ARMC9: variants seen among roughly 807,000 people sequenced by gnomAD.
ARMC9 encodes lisH domain-containing protein ARMC9.
ARMC9 carries 94 observed loss-of-function variants against 107.0 expected under a neutral mutation model. That is an observed-to-expected ratio of 0.88 (90% CI 0.74 to 1.04). The LOEUF (loss-of-function observed/expected upper bound fraction) is 1.04. Among genes scored for constraint, ARMC9 ranks in the 50% least tolerant of loss-of-function variants. The probability of loss-of-function intolerance (pLI) is 0.00; values close to 1 mark genes in which losing one functional copy is unlikely to be tolerated. For synonymous variants in ARMC9, 380 were observed against 396.9 expected (o/e 0.96, Z 0.51); for missense variants, 942 against 1,030.1 (o/e 0.91, Z 1.17).
Position 231,235,314 on chromosome 2 carries a change from A to G in ARMC9, c.713A>G (p.Tyr238Cys), listed in dbSNP as rs1467382210. ...CGGTACAATAAGATCCAGGCCGACTACCACAATCTCATTGGAGTCACAGCA... is the reference window on the plus strand; with the variant it reads ...CGGTACAATAAGATCCAGGCCGACTGCCACAATCTCATTGGAGTCACAGCA... ...LKRYNKIQAD[Y>C]HNLIGVTAEL... is the part of the protein sequence containing the mutation. Residue 238 changes from tyrosine (Y) to cysteine (C), a missense_variant, in exon 8 of 25, where the codon TAC becomes TGC. Transcript: ENST00000611582. The G allele has an allele frequency of 6.2e-7, 1 of 1,614,244 alleles. No individual in the cohort carries two copies. The highest frequency in any genetic ancestry group is 2.2e-5 in the East Asian group (1 of 44,880).
At chr2:231,303,444 G>A (rs77320762) in intron 19 of ARMC9, among the ~76,000 whole-genome samples, 2,610 of 152,268 alleles carry the variant, frequency 0.017, 74 homozygotes, top group African/African-American at 0.06. Context: ...TGATCTTACA[G>A]TGAATGTTTT....
intron 19 of ARMC9, among the ~76,000 whole-genome samples, chr2:231,316,735 G>A (rs2042708940): frequency 6.6e-6 from 1 of 151,880 alleles, no homozygotes; most frequent in African/African-American, 2.4e-5. Context: ...CTTTTAATAG[G>A]TCATTCTTTT....
At chr2:231,315,538 C>T (rs1383999086) in intron 19 of ARMC9, among the ~76,000 whole-genome samples, 3 of 152,084 alleles carry the variant, frequency 2.0e-5, no homozygotes. Flanking sequence ...GGCTCCATCT[C>T]ATAAATAAAT....
intron 9 of ARMC9, among the ~76,000 whole-genome samples, chr2:231,248,624 T>A (rs1026530116): frequency 6.6e-6 from 1 of 151,722 alleles, no homozygotes; most frequent in African/African-American, 2.4e-5. Flanking sequence ...CTGACCAACA[T>A]GGTGAAACCC....
intron 7 of ARMC9, among the ~76,000 whole-genome samples, chr2:231,229,644 A>T (rs1176125770): frequency 6.6e-6 from 1 of 152,236 alleles, no homozygotes; most frequent in Non-Finnish European, 1.5e-5. Context: ...ACAGTATTTT[A>T]AAAAGTAATG....
chr2:231,240,392 T>C lies in ARMC9; in HGVS notation c.879+351T>C, dbSNP rs140544486. Among the ~76,000 whole-genome samples, 912 of 152,314 alleles carry C rather than the reference T, an allele frequency of 6.0e-3. 9 individuals carry two copies. Among genetic ancestry groups the C allele is most frequent in the African/African-American group, 0.021 (882 of 41,572 alleles). On this transcript the variant is annotated intron_variant, in intron 9 of 24. Coordinates refer to ENST00000611582, the MANE Select transcript of ARMC9 (RefSeq NM_001352754.2). ...TGTGGTCTAAAGCAGGGACACTTTT[T>C]TTCCCCCTAACTTTTTACTTGGAAT...
chr2:231,314,944 A>G (rs6714129), intron 19 of ARMC9, among the ~76,000 whole-genome samples: 81,681 of 152,102 alleles, frequency 0.54, 25,159 homozygotes, highest in African/African-American at 0.86. Context: ...TTGTCAAATA[A>G]CACCTTTGTA....
chr2:231,259,170 T>G lies in ARMC9; in HGVS notation c.1026+68T>G, dbSNP rs1163025905. 11 of 1,331,716 alleles carry G rather than the reference T, an allele frequency of 8.3e-6. No homozygotes were observed. In the East Asian group the frequency reaches 2.6e-4, roughly 31 times the overall value. 82.5% of individuals were successfully genotyped at this position (1,331,716 alleles called of 1,614,324 possible). On this transcript the variant is annotated intron_variant, in intron 11 of 24. Coordinates refer to ENST00000611582, the MANE Select transcript of ARMC9 (RefSeq NM_001352754.2). ...GTGCTGGTTTTCTTGGCTGGCTACC[T>G]TGCTTATATCTTTTAACCCATCTTC...
intron 9 of ARMC9, chr2:231,256,054 C>G (rs1574823574): frequency 1.3e-6 from 2 of 1,516,818 alleles, no homozygotes; most frequent in Non-Finnish European, 1.8e-6. Flanking sequence ...AAAACAAAAA[C>G]AAAAAAACCG....
At chr2:231,364,163 T>C (rs902947451) in intron 23 of ARMC9, among the ~76,000 whole-genome samples, 34 of 152,364 alleles carry the variant, frequency 2.2e-4, no homozygotes, top group African/African-American at 1.9e-4. Context: ...ATGGCAGGGC[T>C]GCCTTGACTG....
intron 12 of ARMC9, among the ~76,000 whole-genome samples, chr2:231,263,899 A>T (rs1468743521): frequency 6.6e-6 from 1 of 152,220 alleles, no homozygotes; most frequent in Non-Finnish European, 1.5e-5. Context: ...TAAAGTCAAT[A>T]CTGATTATTT....
intron 19 of ARMC9, among the ~76,000 whole-genome samples, 190 bp from the exon 20 acceptor site, chr2:231,331,603 C>T (rs1220719342): frequency 6.6e-6 from 1 of 152,158 alleles, no homozygotes; most frequent in Non-Finnish European, 1.5e-5. Context: ...TGGCCTTGTC[C>T]CTTTGGTCTT....
intron 19 of ARMC9, among the ~76,000 whole-genome samples, chr2:231,299,927 A>T (rs2041621517): frequency 6.6e-6 from 1 of 152,246 alleles, no homozygotes; most frequent in Non-Finnish European, 1.5e-5. Flanking sequence ...TTATTTAAGG[A>T]TTCAAATGCA....
chr2:231,360,762 A>G lies in ARMC9; in HGVS notation c.2140A>G (p.Ile714Val). Reference protein sequence around the residue: ...ESCVSSSSAIIAKPGEWLPRG... With the variant: ...ESCVSSSSAIVAKPGEWLPRG... The stretch of plus-strand genomic sequence containing the variant: ...TCTCTCCTCCTCCCCAGCAGCCATC[A>G]TCGCCAAGCCAGGAGAGTGGCTCCC... Residue 714 changes from isoleucine (I) to valine (V), a missense_variant, in exon 23 of 25, where the codon ATC (isoleucine) becomes GTC (valine). Ile to Val is a conservative substitution (Grantham distance 29). Coordinates refer to ENST00000611582, the MANE Select transcript of ARMC9 (RefSeq NM_001352754.2). The surrounding 1 kb of genome is among the most constrained non-coding windows in gnomAD (Gnocchi z 4.7). 1 of 1,536,202 alleles carries G rather than the reference A, an allele frequency of 6.5e-7. No homozygotes were observed. Among genetic ancestry groups the G allele is most frequent in the Non-Finnish European group, 8.7e-7 (1 of 1,146,924 alleles).
chr2:231,300,794 A>G (rs1325844357), intron 19 of ARMC9, among the ~76,000 whole-genome samples: 4 of 152,210 alleles, frequency 2.6e-5, no homozygotes, highest in Non-Finnish European at 5.9e-5. Context: ...GTGATCACAG[A>G]TTCATAAAGG....
At chr2:231,265,713 A>G (rs1486708886) in intron 12 of ARMC9, among the ~76,000 whole-genome samples, 1 of 152,034 alleles carries the variant, frequency 6.6e-6, no homozygotes, top group Non-Finnish European at 1.5e-5. Flanking sequence ...TAAAAAAAAA[A>G]AAGAAGAAAT....
chr2:231,336,058 G>A (rs1259643601), intron 20 of ARMC9, among the ~76,000 whole-genome samples: 3 of 151,834 alleles, frequency 2.0e-5, no homozygotes, highest in Non-Finnish European at 4.4e-5. Context: ...CAGCCTTGGA[G>A]TGCAAAAATA....
intron 9 of ARMC9, among the ~76,000 whole-genome samples, chr2:231,247,874 T>C (rs1426620387): frequency 1.3e-5 from 2 of 152,190 alleles, no homozygotes; most frequent in Non-Finnish European, 2.9e-5. Flanking sequence ...GAGGTTGCAG[T>C]GAACTGAGAT....
intron 16 of ARMC9, among the ~76,000 whole-genome samples, chr2:231,280,364 A>G (rs2040112920): frequency 6.6e-6 from 1 of 152,184 alleles, no homozygotes; most frequent in African/African-American, 2.4e-5. Context: ...AGGCTGAGGC[A>G]TGAGAATCAC....
Sources: allele counts gnomAD v4.1 joint callset (sites outside exome capture counted in the v4.1 genomes callset), GRCh38; gene constraint gnomAD v4.1.1; non-coding constraint Gnocchi (gnomAD v3.1); transcripts MANE v1.5; gene names NCBI Gene and HGNC (gene_info 2026-07-23, HGNC 2026-07-21).